The following TCERG1L variants were observed in gnomAD, a reference collection of about 807,000 sequenced individuals.
TCERG1L encodes transcription elongation regulator 1 like.
TCERG1L carries 37 observed loss-of-function variants against 56.3 expected under a neutral mutation model. The ratio of observed to expected loss-of-function variants is 0.66; its 90% CI spans 0.51 to 0.87. The LOEUF (loss-of-function observed/expected upper bound fraction) is 0.87. TCERG1L is among the 40% of genes least tolerant of loss of function. The pLI is 0.00. For missense variants in TCERG1L, 799 were observed against 774.2 expected, an observed-to-expected ratio of 1.03 and a Z score of -0.38; for synonymous variants, 324 against 326.3, an observed-to-expected ratio of 0.99 and a Z score of 0.08.
intron 4 of TCERG1L, among the ~76,000 whole-genome samples, chr10:131,218,523 C>T (rs908810655): frequency 1.3e-5 from 2 of 151,992 alleles, no homozygotes; most frequent in Admixed American, 6.6e-5. Context: ...GACAGAGTTT[C>T]GTTCTTGTTG....
chr10:131,134,311 C>T (rs1845651177), intron 8 of TCERG1L, 68 bp downstream of exon 8: 1 of 1,415,464 alleles, frequency 7.1e-7, no homozygotes, highest in Non-Finnish European at 9.7e-7. Context: ...AAAATGATGC[C>T]TTTTCTTTCT....
chr10:131,213,185 G>A (rs908727730), intron 4 of TCERG1L, among the ~76,000 whole-genome samples: 1 of 152,210 alleles, frequency 6.6e-6, no homozygotes, highest in African/African-American at 2.4e-5. Context: ...GCTGCCTGGT[G>A]ACCAGAGGAC....
At chr10:131,096,362 G>A (rs1436419629) in intron 11 of TCERG1L, among the ~76,000 whole-genome samples, 1 of 152,194 alleles carries the variant, frequency 6.6e-6, no homozygotes, top group Non-Finnish European at 1.5e-5. Context: ...CTTTAACAAT[G>A]GAAAATCACA....
chr10:131,273,848 C>T (rs1846366065), intron 3 of TCERG1L, among the ~76,000 whole-genome samples: 1 of 152,178 alleles, frequency 6.6e-6, no homozygotes, highest in South Asian at 2.1e-4. Flanking sequence ...GGAAGCCCCA[C>T]TTCTCTAGGA....
chr10:131,178,085 G>A (rs955523532), intron 4 of TCERG1L, among the ~76,000 whole-genome samples: 35 of 152,162 alleles, frequency 2.3e-4, no homozygotes, highest in Middle Eastern at 3.4e-3. Flanking sequence ...GGGAGCCTGC[G>A]CACTGGGCGT....
At chr10:131,111,660 C>T (rs1371180416) in intron 9 of TCERG1L, among the ~76,000 whole-genome samples, 4 of 142,798 alleles carry the variant, frequency 2.8e-5, no homozygotes, top group African/African-American at 4.9e-5. Flanking sequence ...ACGATTTCCT[C>T]GCACAGCCTG....
chr10:131,232,878 G>A (rs889102964), intron 4 of TCERG1L, among the ~76,000 whole-genome samples: 7 of 152,220 alleles, frequency 4.6e-5, no homozygotes, highest in East Asian at 3.8e-4. Context: ...AACTCAAGGT[G>A]TGGTCAGCAT....
At chr10:131,186,547 C>G (rs1036401778) in intron 4 of TCERG1L, among the ~76,000 whole-genome samples, 4 of 152,122 alleles carry the variant, frequency 2.6e-5, no homozygotes, top group African/African-American at 9.7e-5. Flanking sequence ...CCGTGCAAAT[C>G]AGAGATATAT....
At chr10:131,164,126 T>TAAAAAA (rs11327805) in intron 5 of TCERG1L, 18 of 93,258 alleles carry the variant, frequency 1.9e-4, no homozygotes, top group East Asian at 8.5e-4. Flanking sequence ...GACTCTGTCT[T>TAAAAAA]AAAAAAAAAA....
chr10:131,183,748 T>C (rs1165124729), intron 4 of TCERG1L, among the ~76,000 whole-genome samples: 2 of 152,064 alleles, frequency 1.3e-5, no homozygotes, highest in Non-Finnish European at 2.9e-5. Context: ...CACACTCCCA[T>C]GGTGGGGAGG....
At chr10:131,286,441 A>C (rs539978481) in intron 3 of TCERG1L, among the ~76,000 whole-genome samples, 10 of 152,324 alleles carry the variant, frequency 6.6e-5, no homozygotes, top group Non-Finnish European at 1.5e-4. Context: ...GTATTGTGTA[A>C]GGTAATGCAC....
chr10:131,151,875 C>T (rs1845870781), intron 6 of TCERG1L, among the ~76,000 whole-genome samples: 2 of 152,194 alleles, frequency 1.3e-5, no homozygotes, highest in African/African-American at 2.4e-5. Context: ...CTTCTGTGTA[C>T]CCAGAGGCTC....
chr10:131,152,202 C>T (rs1226267563), intron 6 of TCERG1L, among the ~76,000 whole-genome samples: 16 of 152,172 alleles, frequency 1.1e-4, no homozygotes, highest in Admixed American at 6.5e-4. Context: ...TCTTTTCTAT[C>T]GCGTGGTCAA....
chr10:131,210,618 G>T (rs1427061507), intron 4 of TCERG1L, among the ~76,000 whole-genome samples: 2 of 152,128 alleles, frequency 1.3e-5, no homozygotes, highest in Non-Finnish European at 2.9e-5. Flanking sequence ...CTTAGGCATT[G>T]CGGGAACACA....
intron 6 of TCERG1L, among the ~76,000 whole-genome samples, chr10:131,155,430 GC>G (rs1261816711): frequency 6.6e-6 from 1 of 152,210 alleles, no homozygotes; most frequent in East Asian, 1.9e-4. Context: ...CCGGAGGCTT[GC>G]CGGGAGGGCA....
At chr10:131,303,784 C>A (rs1846792785) in intron 3 of TCERG1L, among the ~76,000 whole-genome samples, 1 of 152,052 alleles carries the variant, frequency 6.6e-6, no homozygotes, top group Non-Finnish European at 1.5e-5. Flanking sequence ...AGTTTCCTTG[C>A]ATTCTTTTCT....
intron 4 of TCERG1L, among the ~76,000 whole-genome samples, chr10:131,243,138 C>T (rs553250629): frequency 6.6e-6 from 1 of 152,068 alleles, no homozygotes; most frequent in Admixed American, 6.5e-5. Context: ...GATTTTGGTT[C>T]GCCTGCACGA....
intron 4 of TCERG1L, among the ~76,000 whole-genome samples, chr10:131,208,881 C>A (rs1845580962): frequency 6.6e-6 from 1 of 152,096 alleles, no homozygotes; most frequent in African/African-American, 2.4e-5. Flanking sequence ...CATGGTAAAA[C>A]CGCGTCTCTA....
In TCERG1L at chr10:131,260,469, C is replaced by A; in HGVS notation, c.671-25G>T. 1 of 1,376,220 alleles carries A rather than the reference C, an allele frequency of 7.3e-7. No homozygotes were observed. The highest frequency in any genetic ancestry group is 1.8e-5 in the South Asian group (1 of 55,618). The allele number at this position is 1,376,220 out of a possible 1,614,324, so 85.3% of individuals were successfully genotyped here. On this transcript the variant is annotated intron_variant, in intron 3 of 11. Transcript: ENST00000368642. The surrounding 1 kb of genome is among the most constrained non-coding windows in gnomAD (Gnocchi z 5.8). ...CCTGCGGAAGAGGGATGCAGAGGGT[C>A]AGCAAGGGGACGACCAGGGCCATGG...
Sources: gnomAD v4.1 joint callset for allele counts (sites outside exome capture counted in the v4.1 genomes callset) on GRCh38, gnomAD v4.1.1 for gene constraint, Gnocchi (gnomAD v3.1) non-coding constraint, MANE v1.5 for transcripts, NCBI Gene and HGNC (gene_info 2026-07-23, HGNC 2026-07-21) for gene names.